Variants in CTNNA2 observed in about 807,000 individuals in gnomAD.
The protein encoded by CTNNA2 is catenin alpha 2, also known as catenin alpha-2.
A neutral mutation model predicts 101.0 loss-of-function variants in CTNNA2; 42 were observed. The observed-to-expected ratio is 0.42, with a 90% CI of 0.32 to 0.54. The LOEUF (loss-of-function observed/expected upper bound fraction) is 0.54, where lower values mean the gene tolerates loss of function less well. Among genes scored for constraint, CTNNA2 ranks in the 20% least tolerant of loss-of-function variants. The probability of loss-of-function intolerance (pLI) is 0.14; values close to 1 mark genes in which losing one functional copy is unlikely to be tolerated. For missense variants in CTNNA2, 871 were observed against 1,223.1 expected (o/e 0.71, Z 4.29); for synonymous variants, 450 against 456.4 (o/e 0.99, Z 0.18).
chr2:79,648,053 T>C (rs923770517), intron 1 of CTNNA2, among the ~76,000 whole-genome samples: 3 of 152,202 alleles, frequency 2.0e-5, no homozygotes, highest in Non-Finnish European at 4.4e-5. Flanking sequence ...TAGGAAAATA[T>C]TCTCTTCTCA....
intron 7 of CTNNA2, among the ~76,000 whole-genome samples, chr2:80,105,522 G>C (rs774758624): frequency 5.3e-5 from 8 of 152,080 alleles, no homozygotes; most frequent in Non-Finnish European, 1.0e-4. Context: ...CCAGGAGTTC[G>C]AGACCAGCCT....
At chr2:80,450,327 A>G (rs1683398659) in intron 9 of CTNNA2, among the ~76,000 whole-genome samples, 1 of 152,028 alleles carries the variant, frequency 6.6e-6, no homozygotes, top group Admixed American at 6.6e-5. Context: ...TCCTTTTTAA[A>G]GGACCATTTA....
chr2:79,237,712 T>C (rs1034879059), intron 2 of CTNNA2, among the ~76,000 whole-genome samples: 5 of 152,246 alleles, frequency 3.3e-5, no homozygotes, highest in African/African-American at 1.2e-4. Context: ...CTTTACCTTG[T>C]ACTTTTTTGT....
intron 9 of CTNNA2, among the ~76,000 whole-genome samples, chr2:80,478,400 C>T (rs1264553709): frequency 6.6e-6 from 1 of 151,812 alleles, no homozygotes; most frequent in Non-Finnish European, 1.5e-5. Flanking sequence ...TAGTTTAAGT[C>T]CCATTTATTT....
chr2:80,256,139 T>G (rs1252247558), intron 7 of CTNNA2, among the ~76,000 whole-genome samples: 2 of 152,110 alleles, frequency 1.3e-5, no homozygotes, highest in Non-Finnish European at 2.9e-5. Context: ...ATGGGCTTCC[T>G]TTGTCAAAGG....
At chr2:79,895,641 C>G (rs1297538673) in intron 6 of CTNNA2, among the ~76,000 whole-genome samples, 1 of 151,206 alleles carries the variant, frequency 6.6e-6, no homozygotes, top group Non-Finnish European at 1.5e-5. Flanking sequence ...CATTGATCAT[C>G]CAGTTACTAA....
rs761007526 is a variant in CTNNA2 at position 79,394,967 on chromosome 2, T to C, written c.-135+20954T>C. ...CATGTGTGAAGGCTCTTTGGGTTTG[T>C]GCAAACCCATGATAAAGATGGGACA... On this transcript the variant is annotated intron_variant, in intron 4 of 21. Coordinates refer to the CTNNA2 transcript ENST00000466387. Among the ~76,000 whole-genome samples, 6 of 152,206 alleles carry C rather than the reference T, an allele frequency of 3.9e-5. No homozygotes were observed. The Middle Eastern group carries it at 0.01, about 259-fold the overall frequency.
intron 17 of CTNNA2, among the ~76,000 whole-genome samples, chr2:80,613,146 G>A: frequency 6.6e-6 from 1 of 151,392 alleles, no homozygotes; most frequent in Admixed American, 6.6e-5. Context: ...ATGAGTTGTT[G>A]CATGATTCCA....
chr2:79,291,212 T>G (rs542767963), intron 2 of CTNNA2, among the ~76,000 whole-genome samples: 60 of 152,318 alleles, frequency 3.9e-4, no homozygotes, highest in Admixed American at 1.1e-3. Context: ...GGCTAGAAAA[T>G]TAAATCTTAA....
At chr2:79,471,257 G>T (rs887933265) in intron 4 of CTNNA2, among the ~76,000 whole-genome samples, 1 of 152,124 alleles carries the variant, frequency 6.6e-6, no homozygotes, top group African/African-American at 2.4e-5. Flanking sequence ...CATTATATGT[G>T]TCTCAGTCAG....
chr2:79,247,399 C>T (rs112231534), intron 2 of CTNNA2, among the ~76,000 whole-genome samples: 2,245 of 152,252 alleles, frequency 0.015, 28 homozygotes, highest in Non-Finnish European at 0.022. Context: ...AAGTTGCTGT[C>T]GAGGCAGCTC....
intron 3 of CTNNA2, among the ~76,000 whole-genome samples, chr2:79,781,569 A>G (rs1196264537): frequency 1.3e-5 from 2 of 152,190 alleles, no homozygotes; most frequent in Admixed American, 6.6e-5. Flanking sequence ...AGATGTTGCT[A>G]ATTAATGGTT....
chr2:79,759,861 A>G (rs1276356401), intron 3 of CTNNA2, among the ~76,000 whole-genome samples: 1 of 152,124 alleles, frequency 6.6e-6, no homozygotes, highest in African/African-American at 2.4e-5. Flanking sequence ...TTTCCAATTC[A>G]GAAATGGGAC....
rs146919242 is a variant in CTNNA2, at chr2:79,585,656, G to T, written c.-5-65896G>T. ...AGTTTTTAAATTCCTGGTAATGAAT[G>T]CATTTGCACAGTGTGTGCCCTTGTC... On this transcript the variant is annotated intron_variant, in intron 1 of 18. Transcript: ENST00000402739. Among the ~76,000 whole-genome samples, 891 of 152,208 alleles carry T rather than the reference G, an allele frequency of 5.9e-3. 1 individual carries two copies. Among genetic ancestry groups the T allele is most frequent in the African/African-American group, 0.02 (841 of 41,530 alleles).
At chr2:79,382,304 T>C (rs865774703) in intron 4 of CTNNA2, among the ~76,000 whole-genome samples, 4 of 152,096 alleles carry the variant, frequency 2.6e-5, no homozygotes, top group African/African-American at 7.2e-5. Flanking sequence ...AGCTTTTAGC[T>C]TGTAGACATT....
At chr2:80,562,901 TAAC>T (rs1232494765) in intron 12 of CTNNA2, among the ~76,000 whole-genome samples, 1 of 152,070 alleles carries the variant, frequency 6.6e-6, no homozygotes, top group Non-Finnish European at 1.5e-5. Flanking sequence ...AATTTTATTC[TAAC>T]AATAAAACCC....
chr2:80,093,837 C>A (rs543293958), intron 7 of CTNNA2, among the ~76,000 whole-genome samples: 17 of 152,134 alleles, frequency 1.1e-4, no homozygotes, highest in Admixed American at 9.8e-4. Flanking sequence ...CCTTCACCCA[C>A]TTTTTGATGG....
At chr2:80,122,556 C>A (rs1302506504) in intron 7 of CTNNA2, among the ~76,000 whole-genome samples, 4 of 152,068 alleles carry the variant, frequency 2.6e-5, no homozygotes, top group Non-Finnish European at 4.4e-5. Flanking sequence ...CAGAGTTGAT[C>A]TGTTTTACGT....
chr2:79,631,357 G>A (rs1176768576), intron 1 of CTNNA2, among the ~76,000 whole-genome samples: 4 of 152,010 alleles, frequency 2.6e-5, no homozygotes, highest in African/African-American at 4.8e-5. Flanking sequence ...CACTCATTTC[G>A]TATGTGAGGA....
Sources: gnomAD v4.1 joint callset for allele counts (sites outside exome capture counted in the v4.1 genomes callset) on GRCh38, gnomAD v4.1.1 for gene constraint, MANE v1.5 for transcripts, NCBI Gene and HGNC (gene_info 2026-07-23, HGNC 2026-07-21) for gene names.